The following CD200R1L variants were observed in gnomAD, a reference collection of about 807,000 sequenced individuals.
CD200R1L encodes cell surface glycoprotein CD200 receptor 2.
In CD200R1L, 14 loss-of-function variants were observed where a neutral mutation model predicts 24.8. That is an observed-to-expected ratio of 0.56 (90% CI 0.37 to 0.88). The LOEUF is 0.88. CD200R1L is among the 40% of genes least tolerant of loss of function. The pLI is 0.00. For missense variants in CD200R1L, 299 were observed against 297.8 expected (o/e 1.00, Z -0.03); for synonymous variants, 111 against 109.2 (o/e 1.02, Z -0.11).
intron 6 of CD200R1L, among the ~76,000 whole-genome samples, chr3:112,822,888 T>A (rs1938569726): frequency 6.6e-6 from 1 of 152,212 alleles, no homozygotes; most frequent in Admixed American, 6.5e-5. Context: ...CTGTAAATGA[T>A]TAAAGGGTGC....
At chr3:112,843,613 T>A (rs904597288) in intron 2 of CD200R1L, among the ~76,000 whole-genome samples, 1 of 152,198 alleles carries the variant, frequency 6.6e-6, no homozygotes, top group Non-Finnish European at 1.5e-5. Flanking sequence ...AAAGACACAC[T>A]TAAGACATAG....
At chr3:112,827,281 A>G (rs1401714433) in intron 5 of CD200R1L, 40 bp from the exon 6 acceptor site, 1 of 1,590,226 alleles carries the variant, frequency 6.3e-7, no homozygotes, top group Admixed American at 1.7e-5. Flanking sequence ...TTCAGTTTTC[A>G]CATAAAGCAT....
At position 112,845,473 on chromosome 3, in the gene CD200R1L, A is replaced by G. The variant is rs77166483; in HGVS notation, c.-87+206T>C. On this transcript the variant is annotated intron_variant, in intron 2 of 7. Transcript: ENST00000488794. ...AGTTTCACTTCAATCCCAGCCCCCA[A>G]TTACTCTGAATTCAGCCAGTCACCT... 2.5e-3 allele frequency among the ~76,000 whole-genome samples: 377 copies of G among 152,276 alleles called. 11 individuals carry two copies. The East Asian group carries it at 0.056, about 23-fold the overall frequency.
intron 6 of CD200R1L, among the ~76,000 whole-genome samples, chr3:112,825,608 G>A (rs546384818): frequency 6.6e-6 from 1 of 152,100 alleles, no homozygotes; most frequent in African/African-American, 2.4e-5. Flanking sequence ...GAGACAGTAA[G>A]TGTAGGCTCC....
chr3:112,834,673 G>A (rs1247922335), intron 3 of CD200R1L, among the ~76,000 whole-genome samples: 3 of 152,180 alleles, frequency 2.0e-5, no homozygotes, highest in African/African-American at 7.2e-5. Flanking sequence ...CTGCCTATTT[G>A]GCCTGGCAGG....
chr3:112,845,116 C>T (rs1249852735), intron 2 of CD200R1L, among the ~76,000 whole-genome samples: 1 of 151,538 alleles, frequency 6.6e-6, no homozygotes, highest in Non-Finnish European at 1.5e-5. Flanking sequence ...CTTGAAAAGA[C>T]AAACAAGGTC....
intron 6 of CD200R1L, among the ~76,000 whole-genome samples, chr3:112,825,742 AT>A (rs1938642035): frequency 6.6e-6 from 1 of 152,186 alleles, no homozygotes; most frequent in Non-Finnish European, 1.5e-5. Context: ...TAGGAAAATA[AT>A]TTAAGGAACA....
chr3:112,831,689 C>A (rs1179597998), intron 3 of CD200R1L, among the ~76,000 whole-genome samples: 1 of 152,196 alleles, frequency 6.6e-6, no homozygotes, highest in African/African-American at 2.4e-5. Flanking sequence ...GTATGCTGCA[C>A]AAGCCAGGAA....
At chr3:112,835,446 G>A (rs1032376525) in intron 3 of CD200R1L, among the ~76,000 whole-genome samples, 25 of 152,212 alleles carry the variant, frequency 1.6e-4, no homozygotes, top group Admixed American at 1.3e-3. Context: ...GCCCCTCTCT[G>A]CAGCTGGTTG....
At chr3:112,829,165 G>A (rs1938736909) in intron 4 of CD200R1L, among the ~76,000 whole-genome samples, 154 bp downstream of exon 4, 2 of 152,200 alleles carry the variant, frequency 1.3e-5, no homozygotes, top group South Asian at 2.1e-4. Flanking sequence ...ACTAGAGACT[G>A]GGACATTCAG....
chr3:112,846,683 G>A lies in CD200R1L; in HGVS notation c.-417C>T, dbSNP rs1248142154. ...TTGGAGATATAATTAGTTAAGATGTGGCCATGCTGAAATAGATTGGTCCCT... is the reference window on the plus strand; with the variant it reads ...TTGGAGATATAATTAGTTAAGATGTAGCCATGCTGAAATAGATTGGTCCCT... On this transcript the variant is annotated 5_prime_UTR_variant, in exon 1 of 8. Transcript: ENST00000488794. The A allele has an allele frequency of 6.6e-6, 1 of 152,196 alleles. No individual in the cohort carries two copies. Among genetic ancestry groups the A allele is most frequent in the Non-Finnish European group, 1.5e-5 (1 of 68,042 alleles). 9.4% of individuals were successfully genotyped at this position (152,196 alleles called of 1,614,324 possible).
At chr3:112,829,534 G>A in intron 3 of CD200R1L, 150 bp from the exon 4 acceptor site, 1 of 1,297,618 alleles carries the variant, frequency 7.7e-7, no homozygotes, top group Non-Finnish European at 1.0e-6. Context: ...GAAATTAGAA[G>A]TTATGCCATC....
At chr3:112,817,490 C>A (rs1364621014) in intron 7 of CD200R1L, among the ~76,000 whole-genome samples, 1 of 152,154 alleles carries the variant, frequency 6.6e-6, no homozygotes, top group Non-Finnish European at 1.5e-5. Context: ...ACACCTCCCA[C>A]ATAACATCCT....
Position 112,815,892 on chromosome 3 carries a change from C to T in CD200R1L, c.*71G>A. 2 of 775,428 alleles carry T rather than the reference C, an allele frequency of 2.6e-6. No homozygotes were observed. Among genetic ancestry groups the T allele is most frequent in the Non-Finnish European group, 4.8e-6 (2 of 415,674 alleles). The allele number at this position is 775,428 out of a possible 1,614,324, so 48.0% of individuals were successfully genotyped here. ...CCATGGCCCAAGTTCACTGCTGGAC[C>T]ATCACTCATCTCACCAATGTTGCAG... On this transcript the variant is annotated 3_prime_UTR_variant, in exon 8 of 8. Coordinates refer to ENST00000488794, the MANE Select transcript of CD200R1L (RefSeq NM_001199215.3).
chr3:112,837,833 C>T, intron 3 of CD200R1L, 109 bp downstream of exon 3: 1 of 276,054 alleles, frequency 3.6e-6, no homozygotes, highest in Non-Finnish European at 6.5e-6. Context: ...CAATAGTGTG[C>T]AGAGAGGTAT....
At chr3:112,840,655 TC>T (rs2107352709) in intron 2 of CD200R1L, among the ~76,000 whole-genome samples, 1 of 152,282 alleles carries the variant, frequency 6.6e-6, no homozygotes, top group South Asian at 2.1e-4. Context: ...CAAATTGTGG[TC>T]TACACTAAAT....
chr3:112,846,291 T>G (rs1395380766), intron 1 of CD200R1L, among the ~76,000 whole-genome samples: 1 of 152,230 alleles, frequency 6.6e-6, no homozygotes, highest in African/African-American at 2.4e-5. Flanking sequence ...ATTCTGACAG[T>G]TTTTGAACTT....
At chr3:112,831,834 C>A (rs1213344254) in intron 3 of CD200R1L, among the ~76,000 whole-genome samples, 1 of 152,200 alleles carries the variant, frequency 6.6e-6, no homozygotes, top group Non-Finnish European at 1.5e-5. Flanking sequence ...ATTGCCTCCA[C>A]TTCTCACTCC....
At chr3:112,820,997 C>T (rs1938522447) in intron 6 of CD200R1L, among the ~76,000 whole-genome samples, 2 of 149,884 alleles carry the variant, frequency 1.3e-5, no homozygotes, top group Non-Finnish European at 3.0e-5. Context: ...GCAGAGGTTG[C>T]AGTGAGCTGA....
Sources: allele counts gnomAD v4.1 joint callset (sites outside exome capture counted in the v4.1 genomes callset), GRCh38; gene constraint gnomAD v4.1.1; transcripts MANE v1.5; gene names NCBI Gene and HGNC (gene_info 2026-07-23, HGNC 2026-07-21).